The following MICOS10 variants were observed in gnomAD, a reference collection of about 807,000 sequenced individuals.
The protein encoded by MICOS10 is MICOS complex subunit MIC10.
In MICOS10, 5 loss-of-function variants were observed where a neutral mutation model predicts 13.4. That is an observed-to-expected ratio of 0.37 (90% CI 0.20 to 0.78). The LOEUF is 0.78. Among genes scored for constraint, MICOS10 ranks in the 30% least tolerant of loss-of-function variants. The probability of loss-of-function intolerance (pLI) is 0.47; values close to 1 mark genes in which losing one functional copy is unlikely to be tolerated. For synonymous variants in MICOS10, 35 were observed against 33.6 expected (o/e 1.04, Z -0.15); for missense variants, 101 against 94.6 (o/e 1.07, Z -0.28).
intron 1 of MICOS10, among the ~76,000 whole-genome samples, chr1:19,617,680 G>C (rs903215937): frequency 6.6e-6 from 1 of 152,090 alleles, no homozygotes; most frequent in Non-Finnish European, 1.5e-5. Flanking sequence ...GCACATTCTT[G>C]TTTGTTCTGT....
intron 1 of MICOS10, among the ~76,000 whole-genome samples, chr1:19,600,452 T>G (rs768683138): frequency 1.3e-5 from 2 of 152,182 alleles, no homozygotes; most frequent in East Asian, 3.9e-4. Context: ...TTAAACCTCA[T>G]TGGCTGCTTG....
intron 1 of MICOS10, among the ~76,000 whole-genome samples, chr1:19,611,530 G>A (rs1483322749): frequency 7.6e-6 from 1 of 130,968 alleles, no homozygotes; most frequent in Non-Finnish European, 1.5e-5. Flanking sequence ...CTGGGGTACC[G>A]TGGCACAATC....
At chr1:19,604,620 T>C (rs2094828003) in intron 1 of MICOS10, among the ~76,000 whole-genome samples, 1 of 152,202 alleles carries the variant, frequency 6.6e-6, no homozygotes, top group Non-Finnish European at 1.5e-5. Flanking sequence ...GTGGGTCTTA[T>C]TGTGGGTCGT....
intron 1 of MICOS10, among the ~76,000 whole-genome samples, chr1:19,602,568 TA>T (rs1170392748): frequency 6.6e-6 from 1 of 152,226 alleles, no homozygotes; most frequent in Non-Finnish European, 1.5e-5. Context: ...TGCAGGAAAT[TA>T]AAAAGGAGTG....
At chr1:19,604,242 C>T (rs1332162000) in intron 1 of MICOS10, among the ~76,000 whole-genome samples, 11 of 152,112 alleles carry the variant, frequency 7.2e-5, no homozygotes, top group Admixed American at 7.2e-4. Flanking sequence ...TGTGGTGGCT[C>T]ATGCCTATAG....
At chr1:19,608,773 G>C (rs2094846191) in intron 1 of MICOS10, 2 of 479,228 alleles carry the variant, frequency 4.2e-6, no homozygotes, top group Non-Finnish European at 7.4e-6. Context: ...GCACCATTAA[G>C]AAAACAAAAA....
chr1:19,613,186 G>C (rs980313352), intron 1 of MICOS10, among the ~76,000 whole-genome samples: 1 of 152,226 alleles, frequency 6.6e-6, no homozygotes, highest in African/African-American at 2.4e-5. Context: ...CTGAAGTCTG[G>C]ACCTTAGCTC....
At chr1:19,607,542 C>A (rs1570474504) in intron 1 of MICOS10, among the ~76,000 whole-genome samples, 1 of 152,104 alleles carries the variant, frequency 6.6e-6, no homozygotes, top group African/African-American at 2.4e-5. Context: ...AGATTGGATC[C>A]TGTTTATTTA....
chr1:19,598,887 A>AT (rs1055837177), intron 1 of MICOS10, among the ~76,000 whole-genome samples: 72 of 152,168 alleles, frequency 4.7e-4, no homozygotes, highest in African/African-American at 1.7e-3. Flanking sequence ...AAATTTTTTA[A>AT]TGTATTTTAT....
At chr1:19,609,469 C>T (rs1406767684) in intron 1 of MICOS10, among the ~76,000 whole-genome samples, 1 of 152,156 alleles carries the variant, frequency 6.6e-6, no homozygotes, top group Non-Finnish European at 1.5e-5. Flanking sequence ...ATGATATAGC[C>T]ATTCTACTCC....
chr1:19,616,396 G>T (rs1386538437), intron 1 of MICOS10, among the ~76,000 whole-genome samples: 1 of 152,182 alleles, frequency 6.6e-6, no homozygotes, highest in East Asian at 1.9e-4. Flanking sequence ...TTAGGGAAAA[G>T]GAGTCCATAG....
In MICOS10 at chr1:19,628,810, C is replaced by A. The variant is rs879045582; in HGVS notation, c.*2409C>A. ...ACAAAACACAAGGTAGCCACAAATT[C>A]CCTAGACACATTAGAAAAATAGGGA... On this transcript the variant is annotated 3_prime_UTR_variant, in exon 4 of 4. Transcript: ENST00000322753. The A allele has an allele frequency of 6.6e-6, 1 of 151,928 alleles. No individual in the cohort carries two copies. Among genetic ancestry groups the A allele is most frequent in the Admixed American group, 6.6e-5 (1 of 15,262 alleles). 9.4% of individuals were successfully genotyped at this position (151,928 alleles called of 1,614,324 possible). A position where few individuals can be genotyped will look rare whatever the true frequency, so the allele number is the denominator to read the frequency against.
intron 1 of MICOS10, among the ~76,000 whole-genome samples, chr1:19,598,730 T>C (rs2094802487): frequency 6.6e-6 from 1 of 151,992 alleles, no homozygotes; most frequent in Non-Finnish European, 1.5e-5. Flanking sequence ...TTGGGTAAAG[T>C]CTCTTTCTCA....
intron 1 of MICOS10, chr1:19,601,225 T>C (rs993421947): frequency 2.9e-6 from 1 of 348,208 alleles, no homozygotes; most frequent in Non-Finnish European, 5.6e-6. Context: ...TCATATGATT[T>C]TGTCCTGTAG....
chr1:19,622,617 T>C (rs2094907636), intron 2 of MICOS10, among the ~76,000 whole-genome samples: 1 of 152,192 alleles, frequency 6.6e-6, no homozygotes, highest in African/African-American at 2.4e-5. Context: ...CTTCTGAAGT[T>C]TGGATACCGA....
At chr1:19,618,283 T>TTTATTA (rs142653409) in intron 1 of MICOS10, among the ~76,000 whole-genome samples, 4 of 150,562 alleles carry the variant, frequency 2.7e-5, no homozygotes, top group African/African-American at 7.4e-5. Context: ...TTTTTATTTA[T>TTTATTA]TTATTATTAT....
intron 1 of MICOS10, among the ~76,000 whole-genome samples, chr1:19,612,791 T>C (rs2094868743): frequency 6.6e-6 from 1 of 152,192 alleles, no homozygotes; most frequent in South Asian, 2.1e-4. Flanking sequence ...TCAGAAGGCC[T>C]GAAACTCAGG....
At chr1:19,612,920 T>G (rs1282396656) in intron 1 of MICOS10, among the ~76,000 whole-genome samples, 1 of 152,240 alleles carries the variant, frequency 6.6e-6, no homozygotes, top group Non-Finnish European at 1.5e-5. Flanking sequence ...TCTGTTTATC[T>G]TTGTCCGTGA....
chr1:19,623,264 C>A (rs2094910779), intron 2 of MICOS10, among the ~76,000 whole-genome samples: 1 of 152,124 alleles, frequency 6.6e-6, no homozygotes, highest in Non-Finnish European at 1.5e-5. Flanking sequence ...AGGCACTTAA[C>A]AAGTATTTGC....
Sources: gnomAD v4.1 joint callset for allele counts (sites outside exome capture counted in the v4.1 genomes callset) on GRCh38, gnomAD v4.1.1 for gene constraint, MANE v1.5 for transcripts, NCBI Gene and HGNC (gene_info 2026-07-23, HGNC 2026-07-21) for gene names.